SLCO3A1: variants seen among roughly 807,000 people sequenced by gnomAD.
SLCO3A1 encodes the protein PGE1 transporter.
SLCO3A1 carries 27 observed loss-of-function variants against 63.1 expected under a neutral mutation model. That is an observed-to-expected ratio of 0.43 (90% CI 0.32 to 0.59). The LOEUF is 0.59. Among genes scored for constraint, SLCO3A1 ranks in the 20% least tolerant of loss-of-function variants. SLCO3A1 has a pLI of 0.09. For missense variants in SLCO3A1, 773 were observed against 945.8 expected, an observed-to-expected ratio of 0.82 and a Z score of 2.40; for synonymous variants, 473 against 409.9, an observed-to-expected ratio of 1.15 and a Z score of -1.86.
Position 91,872,207 on chromosome 15 carries a change from G to A in SLCO3A1, c.180+18119G>A, listed in dbSNP as rs918211818. Among the ~76,000 whole-genome samples, 3 of 152,078 alleles carry A rather than the reference G, an allele frequency of 2.0e-5. No individual in the cohort carries two copies. The highest frequency in any genetic ancestry group is 4.8e-5 in the African/African-American group (2 of 41,398). On this transcript the variant is annotated intron_variant, in intron 1 of 9. Coordinates refer to ENST00000318445, the MANE Select transcript of SLCO3A1 (RefSeq NM_013272.4). This position sits in a 1 kb window ranked among gnomAD's most constrained non-coding sequence, Gnocchi z 4.1. ...GTAGATGTCATTATTTCTCTTTTCC[G>A]TATAAGGAAATAGGGCTCACTTCTA...
chr15:92,068,262 T>G (rs1205007678), intron 2 of SLCO3A1, among the ~76,000 whole-genome samples: 1 of 152,132 alleles, frequency 6.6e-6, no homozygotes, highest in African/African-American at 2.4e-5. Flanking sequence ...AGTTAGAAAT[T>G]AGACTTTTCT....
chr15:91,937,649 G>A (rs1899461828), intron 2 of SLCO3A1, among the ~76,000 whole-genome samples: 1 of 150,442 alleles, frequency 6.6e-6, no homozygotes, highest in Admixed American at 6.6e-5. Context: ...AACCCAGGAG[G>A]CAAAGGTTGC....
intron 4 of SLCO3A1, among the ~76,000 whole-genome samples, chr15:92,118,109 G>A (rs2047817990): frequency 6.6e-6 from 1 of 152,152 alleles, no homozygotes; most frequent in Admixed American, 6.5e-5. Flanking sequence ...TTAAAATCGA[G>A]GAGGGTATAA....
chr15:92,010,361 C>A (rs953562992), intron 2 of SLCO3A1, among the ~76,000 whole-genome samples: 2 of 152,144 alleles, frequency 1.3e-5, no homozygotes, highest in African/African-American at 4.8e-5. Context: ...ATATTAAAGC[C>A]CCTAGGCAGT....
intron 1 of SLCO3A1, among the ~76,000 whole-genome samples, chr15:91,880,423 G>GTGTGTGTGTGTGTC (rs1239859182): frequency 6.6e-6 from 1 of 151,658 alleles, no homozygotes; most frequent in African/African-American, 2.4e-5. Context: ...GTGTGTGTGT[G>GTGTGTGTGTGTGTC]TGTAGTTCTT....
rs1897722429 is a variant in SLCO3A1, at chr15:91,886,286, A to G, written c.181-29707A>G. ...TTTTTCTCACCAGCTAACTCTTACT[A>G]ATTAGAAATTGACAACAGCGCTTGT... is the stretch of plus-strand genomic sequence containing the variant. On this transcript the variant is annotated intron_variant, in intron 1 of 9. Transcript: ENST00000318445. This position sits in a 1 kb window ranked among gnomAD's most constrained non-coding sequence, Gnocchi z 4.9. 6.6e-6 allele frequency among the ~76,000 whole-genome samples: 1 copy of G among 152,170 alleles called. No individual in the cohort carries two copies. Among genetic ancestry groups the G allele is most frequent in the Non-Finnish European group, 1.5e-5 (1 of 68,032 alleles).
At chr15:91,936,906 C>A (rs1468085335) in intron 2 of SLCO3A1, among the ~76,000 whole-genome samples, 6 of 152,180 alleles carry the variant, frequency 3.9e-5, no homozygotes, top group African/African-American at 7.2e-5. Flanking sequence ...TTGGGTTCCA[C>A]AAATATGGTC....
rs1211107048 is a variant in SLCO3A1, at chr15:91,942,805, G to C, written c.646+26347G>C. Among the ~76,000 whole-genome samples the C allele has an allele frequency of 6.6e-6, 1 of 152,100 alleles. No individual in the cohort carries two copies. Among genetic ancestry groups the C allele is most frequent in the Non-Finnish European group, 1.5e-5 (1 of 68,018 alleles). The stretch of plus-strand genomic sequence containing the variant: ...TCAAATTCCTGACCTAAAGTGATCA[G>C]GTCACTGATCACTCCTCCCAAGGAG... On this transcript the variant is annotated intron_variant, in intron 2 of 9. Coordinates refer to ENST00000318445, the MANE Select transcript of SLCO3A1 (RefSeq NM_013272.4). The surrounding 1 kb of genome is among the most constrained non-coding windows in gnomAD (Gnocchi z 4.1).
chr15:91,906,269 T>C (rs925337495), intron 1 of SLCO3A1, among the ~76,000 whole-genome samples: 2 of 152,236 alleles, frequency 1.3e-5, no homozygotes, highest in African/African-American at 4.8e-5. Flanking sequence ...AGGGGCTAAC[T>C]AACTATGTGC....
At chr15:91,889,424 C>T (rs1198784300) in intron 1 of SLCO3A1, among the ~76,000 whole-genome samples, 1 of 152,194 alleles carries the variant, frequency 6.6e-6, no homozygotes, top group African/African-American at 2.4e-5. Flanking sequence ...GGTATCTTGA[C>T]CTTTGGTAGT....
chr15:92,155,179 T>C (rs2048356059), intron 9 of SLCO3A1: 1 of 152,276 alleles, frequency 6.6e-6, no homozygotes, highest in African/African-American at 2.4e-5. Flanking sequence ...CCATCCTCCT[T>C]TATTCTTCTG....
intron 4 of SLCO3A1, among the ~76,000 whole-genome samples, chr15:92,107,163 C>T (rs571239712): frequency 3.4e-4 from 52 of 152,278 alleles, no homozygotes; most frequent in African/African-American, 4.1e-4. Flanking sequence ...GATCTGTATA[C>T]GCACAGGCTT....
chr15:92,152,224 A>C (rs1329830358), intron 9 of SLCO3A1, among the ~76,000 whole-genome samples: 1 of 152,258 alleles, frequency 6.6e-6, no homozygotes, highest in South Asian at 2.1e-4. Flanking sequence ...TATATGAAAG[A>C]AAAATATTAA....
intron 2 of SLCO3A1, among the ~76,000 whole-genome samples, chr15:92,020,098 G>A (rs917916726): frequency 6.6e-6 from 1 of 152,110 alleles, no homozygotes; most frequent in African/African-American, 2.4e-5. Context: ...ACTTTTTTCA[G>A]TTGTTATATA....
rs1202053546 is a variant in SLCO3A1 at position 91,942,846 on chromosome 15, T to C, written c.646+26388T>C. Among the ~76,000 whole-genome samples, 6 of 152,210 alleles carry C rather than the reference T, an allele frequency of 3.9e-5. No individual in the cohort carries two copies. Among genetic ancestry groups the C allele is most frequent in the Non-Finnish European group, 4.4e-5 (3 of 68,038 alleles). On this transcript the variant is annotated intron_variant, in intron 2 of 9. Transcript: ENST00000318445. The surrounding 1 kb of genome is among the most constrained non-coding windows in gnomAD (Gnocchi z 4.1). ...TCCCAAGGAGCTGGAATTACAGGCA[T>C]GAGCCACCACACCCAGCCCTTTGCT...
chr15:91,903,382 G>T (rs888133948), intron 1 of SLCO3A1, among the ~76,000 whole-genome samples: 5 of 152,250 alleles, frequency 3.3e-5, no homozygotes, highest in Admixed American at 6.5e-5. Flanking sequence ...TCCAATCCAA[G>T]AAGTTAATTA....
intron 2 of SLCO3A1, among the ~76,000 whole-genome samples, chr15:92,073,984 C>T (rs1044410303): frequency 6.6e-6 from 1 of 152,204 alleles, no homozygotes; most frequent in Admixed American, 6.5e-5. Context: ...ACCTGGCCAA[C>T]ATGGTGAAAC....
intron 2 of SLCO3A1, among the ~76,000 whole-genome samples, chr15:92,072,170 C>A (rs973419505): frequency 6.6e-6 from 1 of 151,842 alleles, no homozygotes; most frequent in Middle Eastern, 3.5e-3. Context: ...AAATGCGAAG[C>A]CTGATAAGCG....
intron 1 of SLCO3A1, among the ~76,000 whole-genome samples, chr15:91,887,709 G>A (rs998759441): frequency 2.0e-5 from 3 of 152,186 alleles, no homozygotes; most frequent in African/African-American, 4.8e-5. Flanking sequence ...TTTGATGAAA[G>A]ATATTCGAGG....
Sources: gnomAD v4.1 joint callset for allele counts (sites outside exome capture counted in the v4.1 genomes callset) on GRCh38, gnomAD v4.1.1 for gene constraint, Gnocchi (gnomAD v3.1) non-coding constraint, MANE v1.5 for transcripts, NCBI Gene and HGNC (gene_info 2026-07-23, HGNC 2026-07-21) for gene names.